Variants in UGCG observed in about 807,000 individuals in gnomAD.
UGCG encodes ceramide glucosyltransferase.
A neutral mutation model predicts 49.5 loss-of-function variants in UGCG; 10 were observed. The observed-to-expected ratio is 0.20, with a 90% CI of 0.12 to 0.34. The LOEUF (loss-of-function observed/expected upper bound fraction) is 0.34. UGCG is among the 10% of genes least tolerant of loss of function. The probability of loss-of-function intolerance (pLI) is 1.00; values close to 1 mark genes in which losing one functional copy is unlikely to be tolerated. For missense variants in UGCG, 312 were observed against 483.7 expected (o/e 0.65, Z 3.33); for synonymous variants, 182 against 158.2 (o/e 1.15, Z -1.13).
At chr9:111,923,377 A>G (rs1838260818) in intron 3 of UGCG, among the ~76,000 whole-genome samples, 1 of 150,364 alleles carries the variant, frequency 6.7e-6, no homozygotes, top group Non-Finnish European at 1.5e-5. Context: ...TTTTTTTTTT[A>G]ACATAGAGCT....
rs191050386 is a variant in UGCG at position 111,924,068 on chromosome 9, G to C, written c.344-709G>C. ...CTCCCAAAGTGCTGGGATTACAGGC[G>C]TGAGCCCATGGTGCCTGGCCATGTG... On this transcript the variant is annotated intron_variant, in intron 3 of 8. Transcript: ENST00000374279. 2.3e-3 allele frequency among the ~76,000 whole-genome samples: 351 copies of C among 152,282 alleles called. 2 individuals carry two copies. Among genetic ancestry groups the C allele is most frequent in the Non-Finnish European group, 3.8e-3 (260 of 68,030 alleles).
In UGCG at chr9:111,897,183, GCAGCGGGCCGGGCCGGTC is replaced by G. The variant is rs1589513743; in HGVS notation, c.-31_-14del. ...GGGAGCGTTGTCCGTGTTGGCGGCCGCAGCGGGCCGGGCCGGTCCGGCGGGCCGGGGGATGGCGCTGCT... is the reference window on the plus strand; with the variant it reads ...GGGAGCGTTGTCCGTGTTGGCGGCCGCGGCGGGCCGGGGGATGGCGCTGCT... On this transcript the variant is annotated 5_prime_UTR_variant, in exon 1 of 9. Coordinates refer to ENST00000374279, the MANE Select transcript of UGCG (RefSeq NM_003358.3). The G allele has an allele frequency of 1.3e-6, 2 of 1,526,686 alleles. No homozygotes were observed. The highest frequency in any genetic ancestry group is 1.8e-6 in the Non-Finnish European group (2 of 1,137,030). 94.6% of individuals were successfully genotyped at this position (1,526,686 alleles called of 1,614,324 possible).
chr9:111,905,058 C>CA (rs1183419244), intron 1 of UGCG, among the ~76,000 whole-genome samples: 4 of 151,914 alleles, frequency 2.6e-5, no homozygotes, highest in Admixed American at 6.6e-5. Context: ...GATTGTATCT[C>CA]AAAAAAAACT....
At chr9:111,898,621 A>G (rs968951441) in intron 1 of UGCG, among the ~76,000 whole-genome samples, 1 of 152,190 alleles carries the variant, frequency 6.6e-6, no homozygotes, top group Non-Finnish European at 1.5e-5. Flanking sequence ...TTCATTTAAA[A>G]TATGTGAGTT....
chr9:111,898,479 C>G (rs1837708482), intron 1 of UGCG, among the ~76,000 whole-genome samples: 1 of 151,436 alleles, frequency 6.6e-6, no homozygotes, highest in African/African-American at 2.4e-5. Flanking sequence ...GTGGCATTTC[C>G]TGGTACTGAG....
chr9:111,901,243 T>C (rs978357631), intron 1 of UGCG, among the ~76,000 whole-genome samples: 1 of 152,274 alleles, frequency 6.6e-6, no homozygotes, highest in Non-Finnish European at 1.5e-5. Context: ...ATGTTTTTCA[T>C]GTAAATTTTA....
intron 1 of UGCG, among the ~76,000 whole-genome samples, chr9:111,910,387 AT>A (rs1837973724): frequency 6.6e-6 from 1 of 152,200 alleles, no homozygotes; most frequent in Admixed American, 6.5e-5. Context: ...AATCACTGGG[AT>A]TTTAGACCTT....
At chr9:111,930,329 C>CT (rs1217324378) in intron 6 of UGCG, among the ~76,000 whole-genome samples, 1 of 152,090 alleles carries the variant, frequency 6.6e-6, no homozygotes. Context: ...CAGTCATAAA[C>CT]TAGTAGGTGA....
At chr9:111,916,054 GAT>G (rs1233197678) in intron 2 of UGCG, among the ~76,000 whole-genome samples, 1 of 151,812 alleles carries the variant, frequency 6.6e-6, no homozygotes, top group Non-Finnish European at 1.5e-5. Flanking sequence ...TTTTAAATAA[GAT>G]ATAATTGTAT....
chr9:111,926,369 T>A lies in UGCG; in HGVS notation c.446-15T>A. 1 of 1,581,240 alleles carries A rather than the reference T, an allele frequency of 6.3e-7. No individual in the cohort carries two copies. Among genetic ancestry groups the A allele is most frequent in the Non-Finnish European group, 8.6e-7 (1 of 1,161,564 alleles). On this transcript the variant is annotated splice_polypyrimidine_tract_variant and intron_variant, in intron 4 of 8. Coordinates refer to ENST00000374279, the MANE Select transcript of UGCG (RefSeq NM_003358.3). ...TTTCTTTTCTCCCCCTCTCTGCCTT[T>A]TTTTTAAATTGTAGTAATTCCAGAT... is the stretch of plus-strand genomic sequence containing the variant.
intron 1 of UGCG, among the ~76,000 whole-genome samples, chr9:111,911,969 T>C (rs13283634): frequency 1.9e-5 from 2 of 105,520 alleles, no homozygotes; most frequent in East Asian, 2.7e-4. Flanking sequence ...CAACAGGATA[T>C]ATATATATTC....
intron 2 of UGCG, among the ~76,000 whole-genome samples, chr9:111,922,364 T>G (rs946119700): frequency 5.3e-5 from 8 of 152,330 alleles, no homozygotes; most frequent in Non-Finnish European, 4.4e-5. Context: ...CCCTTTAAAT[T>G]TATTATAATG....
chr9:111,932,022 G>GT (rs1208932349), intron 7 of UGCG, 148 bp from the exon 8 acceptor site: 3 of 730,392 alleles, frequency 4.1e-6, no homozygotes, highest in Non-Finnish European at 6.1e-6. Flanking sequence ...CCCGTCTCAA[G>GT]TAAAAAAAAA....
At chr9:111,905,520 A>G (rs926330238) in intron 1 of UGCG, among the ~76,000 whole-genome samples, 9 of 151,764 alleles carry the variant, frequency 5.9e-5, no homozygotes, top group African/African-American at 1.9e-4. Flanking sequence ...CAGTGGCACA[A>G]TCTTGGCTCA....
In UGCG at chr9:111,897,141, C is replaced by G. The variant is rs1448078694; in HGVS notation, c.-75C>G. ...CCCGCGCCCCCGCACCGGGCGCCCA[C>G]CCTGTCCTCCTCCTGCGGGAGCGTT... On this transcript the variant is annotated 5_prime_UTR_variant, in exon 1 of 9. Coordinates refer to ENST00000374279, the MANE Select transcript of UGCG (RefSeq NM_003358.3). 3 of 1,404,022 alleles carry G rather than the reference C, an allele frequency of 2.1e-6. No individual in the cohort carries two copies. Among genetic ancestry groups the G allele is most frequent in the Admixed American group, 2.1e-5 (1 of 47,782 alleles). 87.0% of individuals were successfully genotyped at this position (1,404,022 alleles called of 1,614,324 possible). A position where few individuals can be genotyped will look rare whatever the true frequency, so the allele number is the denominator to read the frequency against.
chr9:111,916,083 A>G (rs963867795), intron 2 of UGCG, among the ~76,000 whole-genome samples: 1 of 152,136 alleles, frequency 6.6e-6, no homozygotes, highest in Non-Finnish European at 1.5e-5. Context: ...GTTTTTTCAA[A>G]CTAAAAAATG....
chr9:111,905,459 CTTT>C (rs35643596), intron 1 of UGCG, among the ~76,000 whole-genome samples: 1 of 145,832 alleles, frequency 6.9e-6, no homozygotes. Context: ...ATGCATTACT[CTTT>C]TTTTTTTTTT....
At chr9:111,912,199 G>C (rs375447848) in intron 1 of UGCG, among the ~76,000 whole-genome samples, 1 of 151,588 alleles carries the variant, frequency 6.6e-6, no homozygotes, top group Non-Finnish European at 1.5e-5. Flanking sequence ...GTTTTAGATC[G>C]TGGTTTTACC....
At chr9:111,932,740 A>C (rs896504131) in intron 8 of UGCG, 87 bp from the exon 9 acceptor site, 1 of 1,292,912 alleles carries the variant, frequency 7.7e-7, no homozygotes, top group African/African-American at 1.5e-5. Context: ...GTATACTTAG[A>C]AAAGTGAAAT....
Sources: gnomAD v4.1 joint callset for allele counts (sites outside exome capture counted in the v4.1 genomes callset) on GRCh38, gnomAD v4.1.1 for gene constraint, MANE v1.5 for transcripts, NCBI Gene and HGNC (gene_info 2026-07-23, HGNC 2026-07-21) for gene names.